PCBP3: variants seen among roughly 807,000 people sequenced by gnomAD.
PCBP3 encodes the protein poly(rC) binding protein 3.
PCBP3 carries 25 observed loss-of-function variants against 52.7 expected under a neutral mutation model. The observed-to-expected ratio is 0.47, with a 90% CI of 0.35 to 0.66. PCBP3 has a LOEUF of 0.66. Ranked by LOEUF, PCBP3 falls within the 30% of genes least tolerant of loss-of-function variation. PCBP3 has a pLI of 0.01. For missense variants in PCBP3, 391 were observed against 490.3 expected (o/e 0.80, Z 1.91); for synonymous variants, 162 against 183.0 (o/e 0.89, Z 0.93).
intron 4 of PCBP3, among the ~76,000 whole-genome samples, chr21:45,809,467 G>A (rs1004743852): frequency 6.6e-6 from 1 of 152,230 alleles, no homozygotes; most frequent in Non-Finnish European, 1.5e-5. Context: ...AGCAAGAGGA[G>A]GAAGGGGCTC....
chr21:45,912,213 C>G (rs1319680877), intron 11 of PCBP3, among the ~76,000 whole-genome samples: 4 of 152,222 alleles, frequency 2.6e-5, no homozygotes, highest in Non-Finnish European at 5.9e-5. Flanking sequence ...CACCCTATCT[C>G]CTTCCTGGGC....
At chr21:45,738,345 C>A (rs1200589834) in intron 3 of PCBP3, among the ~76,000 whole-genome samples, 1 of 151,212 alleles carries the variant, frequency 6.6e-6, no homozygotes, top group Non-Finnish European at 1.5e-5. Flanking sequence ...AGCTCCGCCT[C>A]CCGGGTTCAC....
chr21:45,703,470 A>G lies in PCBP3; in HGVS notation c.-199-31922A>G, dbSNP rs116068529. Reference sequence around the variant, plus strand: ...CATCTCCATCAGAGCTCTTGGGTGCATTGTTCATGAGCAGTAATATTTTGA... The same window carrying G: ...CATCTCCATCAGAGCTCTTGGGTGCGTTGTTCATGAGCAGTAATATTTTGA... On this transcript the variant is annotated intron_variant, in intron 2 of 17. Coordinates refer to ENST00000681687, the MANE Select transcript of PCBP3 (RefSeq NM_001384156.1). Among the ~76,000 whole-genome samples, 883 of 152,350 alleles carry G rather than the reference A, an allele frequency of 5.8e-3. 9 individuals are homozygous for G. Among genetic ancestry groups the G allele is most frequent in the African/African-American group, 0.02 (852 of 41,578 alleles).
intron 2 of PCBP3, among the ~76,000 whole-genome samples, chr21:45,696,408 G>C (rs2082776311): frequency 6.6e-6 from 1 of 152,004 alleles, no homozygotes. Flanking sequence ...AAAACGGCAT[G>C]CACCAAGAAA....
At chr21:45,931,176 G>A (rs1170017554) in intron 15 of PCBP3, among the ~76,000 whole-genome samples, 1 of 152,258 alleles carries the variant, frequency 6.6e-6, no homozygotes, top group Non-Finnish European at 1.5e-5. Context: ...TGCTGGATTT[G>A]CCTGCACCCC....
At chr21:45,876,862 C>G (rs2095270339) in intron 5 of PCBP3, among the ~76,000 whole-genome samples, 1 of 152,234 alleles carries the variant, frequency 6.6e-6, no homozygotes, top group Admixed American at 6.5e-5. Context: ...GGGGTATGGC[C>G]AGAGCCGCTG....
At chr21:45,934,437 G>C (rs2076662650) in intron 15 of PCBP3, among the ~76,000 whole-genome samples, 1 of 152,222 alleles carries the variant, frequency 6.6e-6, no homozygotes, top group Non-Finnish European at 1.5e-5. Flanking sequence ...TCTTTTATCT[G>C]ATGGTACTAA....
intron 14 of PCBP3, among the ~76,000 whole-genome samples, chr21:45,930,202 G>T (rs2076004724): frequency 6.6e-6 from 1 of 152,162 alleles, no homozygotes; most frequent in South Asian, 2.1e-4. Context: ...CACTGTTGGG[G>T]GCTGGTTCAC....
At chr21:45,902,765 A>G (rs983729437) in intron 9 of PCBP3, among the ~76,000 whole-genome samples, 1 of 152,248 alleles carries the variant, frequency 6.6e-6, no homozygotes, top group African/African-American at 2.4e-5. Context: ...TGCAGGTAAC[A>G]TGTGCAGTGG....
rs988546270 is a variant in PCBP3, at chr21:45,942,208, G to T, written c.*502G>T. The T allele has an allele frequency of 6.5e-6, 1 of 152,710 alleles. No homozygotes were observed. The highest frequency in any genetic ancestry group is 2.4e-5 in the African/African-American group (1 of 41,484). The allele number at this position is 152,710 out of a possible 1,614,324, so 9.5% of individuals were successfully genotyped here. A position where few individuals can be genotyped will look rare whatever the true frequency, so the allele number is the denominator to read the frequency against. ...CCCCAGGTTGTGTGCTGGAATCGGG[G>T]GGTGGCTCTCCTGCCACCCATGGGG... is the stretch of plus-strand genomic sequence containing the variant. On this transcript the variant is annotated 3_prime_UTR_variant, in exon 18 of 18. Transcript: ENST00000681687.
At chr21:45,862,928 G>A (rs1035467181) in intron 5 of PCBP3, among the ~76,000 whole-genome samples, 12 of 152,218 alleles carry the variant, frequency 7.9e-5, no homozygotes, top group African/African-American at 2.9e-4. Context: ...TGTGGCAGAA[G>A]TGCCTAGTTT....
At chr21:45,813,110 C>T (rs1166286886) in intron 4 of PCBP3, among the ~76,000 whole-genome samples, 1 of 152,042 alleles carries the variant, frequency 6.6e-6, no homozygotes, top group Non-Finnish European at 1.5e-5. Context: ...TAACTTTTTC[C>T]CATTTCAGTC....
chr21:45,901,328 G>A, intron 9 of PCBP3: 1 of 518,884 alleles, frequency 1.9e-6, no homozygotes, highest in Non-Finnish European at 3.5e-6. Context: ...TCTGAAGCCA[G>A]CTACTCCCGG....
At chr21:45,835,685 A>G (rs1016464731) in intron 4 of PCBP3, among the ~76,000 whole-genome samples, 1 of 152,206 alleles carries the variant, frequency 6.6e-6, no homozygotes, top group African/African-American at 2.4e-5. Flanking sequence ...TGAGCTGCCC[A>G]TGGGCCTGGA....
intron 4 of PCBP3, among the ~76,000 whole-genome samples, chr21:45,820,592 C>T (rs560574156): frequency 1.2e-3 from 190 of 152,334 alleles, no homozygotes; most frequent in African/African-American, 4.5e-3. Flanking sequence ...GGGGGTGAGA[C>T]TGTGCTCCGG....
intron 5 of PCBP3, among the ~76,000 whole-genome samples, chr21:45,854,741 A>T (rs1357804466): frequency 6.6e-6 from 1 of 152,220 alleles, no homozygotes; most frequent in Admixed American, 6.5e-5. Flanking sequence ...TATTGTAAAT[A>T]GAAGTGTTTT....
At chr21:45,849,937 C>T in intron 4 of PCBP3, 24 bp from the exon 5 acceptor site, 1 of 734,752 alleles carries the variant, frequency 1.4e-6, no homozygotes, top group Non-Finnish European at 2.4e-6. Flanking sequence ...TGCGCTCACA[C>T]AGCCCTGTGT....
At chr21:45,931,440 G>A (rs2076159587) in intron 15 of PCBP3, among the ~76,000 whole-genome samples, 1 of 152,250 alleles carries the variant, frequency 6.6e-6, no homozygotes, top group Non-Finnish European at 1.5e-5. Flanking sequence ...AGGCCCTGAG[G>A]ACTGCAGTGC....
chr21:45,742,471 C>T (rs1471795461), intron 3 of PCBP3, among the ~76,000 whole-genome samples: 1 of 152,150 alleles, frequency 6.6e-6, no homozygotes, highest in East Asian at 1.9e-4. Flanking sequence ...AGATACTCTG[C>T]TTTTATGTCT....
Sources: gnomAD v4.1 joint callset for allele counts (sites outside exome capture counted in the v4.1 genomes callset) on GRCh38, gnomAD v4.1.1 for gene constraint, MANE v1.5 for transcripts, NCBI Gene and HGNC (gene_info 2026-07-23, HGNC 2026-07-21) for gene names.